The following UBN1 variants were observed in gnomAD, a reference collection of about 807,000 sequenced individuals.
UBN1 encodes ubinuclein 1.
In UBN1, 17 loss-of-function variants were observed where a neutral mutation model predicts 108.5. That is an observed-to-expected ratio of 0.16 (90% CI 0.11 to 0.24). The LOEUF (loss-of-function observed/expected upper bound fraction) is 0.24, where lower values mean the gene tolerates loss of function less well. UBN1 is among the 10% of genes least tolerant of loss of function. The probability of loss-of-function intolerance (pLI) is 1.00; values close to 1 mark genes in which losing one functional copy is unlikely to be tolerated. For synonymous variants in UBN1, 726 were observed against 564.2 expected, an observed-to-expected ratio of 1.29 and a Z score of -4.07; for missense variants, 1,595 against 1,394.4, an observed-to-expected ratio of 1.14 and a Z score of -2.29.
At chr16:4,853,377 A>T (rs926547056) in intron 2 of UBN1, among the ~76,000 whole-genome samples, 2 of 152,172 alleles carry the variant, frequency 1.3e-5, no homozygotes, top group African/African-American at 4.8e-5. Context: ...ATTAACATAA[A>T]TTTTAAAAAC....
intron 2 of UBN1, among the ~76,000 whole-genome samples, chr16:4,854,281 C>A (rs1266226258): frequency 1.3e-5 from 2 of 151,742 alleles, no homozygotes; most frequent in African/African-American, 2.4e-5. Context: ...GATCCACCCA[C>A]CTTGGCCTCT....
chr16:4,857,794 T>G (rs1480358582), intron 2 of UBN1, among the ~76,000 whole-genome samples, 196 bp from the exon 3 acceptor site: 1 of 152,208 alleles, frequency 6.6e-6, no homozygotes, highest in Non-Finnish European at 1.5e-5. Context: ...TCAATCAAGT[T>G]TTATTAACCT....
At chr16:4,872,350 T>C in intron 12 of UBN1, 1 of 985,234 alleles carries the variant, frequency 1.0e-6, no homozygotes. Context: ...GCCATACATT[T>C]TCTTGGTAAA....
rs780959234 is a variant in UBN1 at position 4,860,793 on chromosome 16, G to A, written c.801G>A (p.Lys267=). Residue 267 remains lysine, a synonymous_variant, in exon 7 of 18, where the codon AAG becomes AAA. Transcript: ENST00000262376. ...EAQKKREEEH[K]PVAVPSAEAQ... ...AGAAAAAAAGGGAGGAGGAGCATAAGCCTGTTGCGGTCCCATCAGCGGAAG... is the reference window on the plus strand; with the variant it reads ...AGAAAAAAAGGGAGGAGGAGCATAAACCTGTTGCGGTCCCATCAGCGGAAG... 3 of 1,614,164 alleles carry A rather than the reference G, an allele frequency of 1.9e-6. No individual in the cohort carries two copies. Among genetic ancestry groups the A allele is most frequent in the Non-Finnish European group, 2.5e-6 (3 of 1,180,050 alleles).
chr16:4,879,277 A>G lies in UBN1; in HGVS notation c.3356-806A>G, dbSNP rs74952115. 2.4e-3 allele frequency among the ~76,000 whole-genome samples: 361 copies of G among 152,310 alleles called. 1 individual carries two copies. Among genetic ancestry groups the G allele is most frequent in the African/African-American group, 8.1e-3 (335 of 41,566 alleles). On this transcript the variant is annotated intron_variant, in intron 17 of 17. Transcript: ENST00000262376. ...CTATGTACCCCATAAAATATGTGTC[A>G]TTATTATGAGTCAGTTTTTAAAACT... is the stretch of plus-strand genomic sequence containing the variant.
At chr16:4,857,178 C>T (rs1307890050) in intron 2 of UBN1, among the ~76,000 whole-genome samples, 1 of 150,768 alleles carries the variant, frequency 6.6e-6, no homozygotes, top group African/African-American at 2.4e-5. Context: ...CCTATCTATA[C>T]AAAAAACTTA....
At chr16:4,859,819 C>T (rs2086977393) in intron 5 of UBN1, 46 bp from the exon 6 acceptor site, 2 of 1,611,304 alleles carry the variant, frequency 1.2e-6, no homozygotes, top group Non-Finnish European at 8.5e-7. Context: ...GCACTTGCTC[C>T]CTGAGTTAGG....
rs2087599121 is a variant in UBN1 at position 4,870,898 on chromosome 16, G to C, written c.1485G>C (p.Glu495Asp). The change falls in exon 11 of 18, where the codon GAG becomes GAC. Residue 495 changes from glutamate to aspartate, a missense_variant. Around this residue, in one of 3 missense-constraint regions of UBN1, gnomAD observed 1,398 missense variants for 1,194.7 expected, o/e 1.17. Transcript: ENST00000262376. ...KEQRDRICSDEEEDEEKGGRR... is the reference protein window; with the variant it reads ...KEQRDRICSDDEEDEEKGGRR... ...AGAGGGACCGGATTTGTTCGGATGA[G>C]GAAGAAGATGAAGAAAAAGGGGGCA... 1.2e-6 allele frequency: 2 copies of C among 1,614,010 alleles called. No individual in the cohort carries two copies. Among genetic ancestry groups the C allele is most frequent in the Non-Finnish European group, 1.7e-6 (2 of 1,180,032 alleles).
intron 2 of UBN1, among the ~76,000 whole-genome samples, chr16:4,853,925 T>C (rs917871355): frequency 1.3e-5 from 2 of 152,084 alleles, no homozygotes; most frequent in Non-Finnish European, 2.9e-5. Flanking sequence ...TCACAAAATA[T>C]ATTTATCAGG....
intron 12 of UBN1, among the ~76,000 whole-genome samples, chr16:4,872,538 G>A (rs55871485): frequency 0.011 from 1,608 of 152,198 alleles, 20 homozygotes; most frequent in African/African-American, 0.036. Context: ...GCACGATCTC[G>A]GCTCACTGCA....
In UBN1 at chr16:4,859,890, A is replaced by C. The variant is rs916034313; in HGVS notation, c.593A>C (p.Glu198Ala). The C allele has an allele frequency of 1.2e-6, 2 of 1,614,024 alleles. No homozygotes were observed. The highest frequency in any genetic ancestry group is 2.7e-5 in the African/African-American group (2 of 74,928). ...AAGCGGAAGTTGAAGGAAGGTGGTGAGAAGATAAAGAAGAAGAAAAAAGAT... is the reference window on the plus strand; with the variant it reads ...AAGCGGAAGTTGAAGGAAGGTGGTGCGAAGATAAAGAAGAAGAAAAAAGAT... ...PKKRKLKEGG[E>A]KIKKKKKDDT... Residue 198 changes from glutamate (E) to alanine (A), a missense_variant, in exon 6 of 18, where the codon GAG (glutamate) becomes GCG (alanine). Glu to Ala is a moderately radical substitution (Grantham distance 107). Transcript: ENST00000262376.
At position 4,880,871 on chromosome 16, in the gene UBN1, A is replaced by G. The variant is rs1262617394; in HGVS notation, c.*739A>G. ...CACACATCATATTATAGGAAGACAT[A>G]ATTCCAGTGCCTTTATGGTGGAGCA... On this transcript the variant is annotated 3_prime_UTR_variant, in exon 18 of 18. Coordinates refer to ENST00000262376, the MANE Select transcript of UBN1 (RefSeq NM_001079514.3). 1.3e-5 allele frequency: 2 copies of G among 152,528 alleles called. No homozygotes were observed. The highest frequency in any genetic ancestry group is 6.5e-5 in the Admixed American group (1 of 15,284). 9.4% of individuals were successfully genotyped at this position (152,528 alleles called of 1,614,324 possible).
rs1477111851 is a variant in UBN1 at position 4,881,642 on chromosome 16, C to T, written c.*1510C>T. The T allele has an allele frequency of 1.3e-5, 2 of 152,176 alleles. No homozygotes were observed. The highest frequency in any genetic ancestry group is 2.9e-5 in the Non-Finnish European group (2 of 68,040). 9.4% of individuals were successfully genotyped at this position (152,176 alleles called of 1,614,324 possible). On this transcript the variant is annotated 3_prime_UTR_variant, in exon 18 of 18. Coordinates refer to ENST00000262376, the MANE Select transcript of UBN1 (RefSeq NM_001079514.3). ...CTTCCCGGTTTCCCAAGGAGCAAGA[C>T]CTCTGTCCGCCCTTTGGCCCGGCCT...
At chr16:4,864,230 G>T (rs1233395868) in intron 7 of UBN1, among the ~76,000 whole-genome samples, 1 of 152,010 alleles carries the variant, frequency 6.6e-6, no homozygotes, top group African/African-American at 2.4e-5. Flanking sequence ...GGGATTACAG[G>T]CGTGAGCCAC....
chr16:4,864,970 GC>G (rs2142201820), intron 7 of UBN1, among the ~76,000 whole-genome samples: 1 of 152,324 alleles, frequency 6.6e-6, no homozygotes, highest in South Asian at 2.1e-4. Flanking sequence ...TGAGCTGGGT[GC>G]TAAAAGGCTA....
intron 15 of UBN1, among the ~76,000 whole-genome samples, 194 bp from the exon 16 acceptor site, chr16:4,876,677 T>G (rs1375270205): frequency 6.6e-6 from 1 of 152,204 alleles, no homozygotes; most frequent in African/African-American, 2.4e-5. Flanking sequence ...CATTCCATGT[T>G]GGTTCATAAA....
At chr16:4,866,035 T>G (rs1245827984) in intron 7 of UBN1, among the ~76,000 whole-genome samples, 1 of 152,152 alleles carries the variant, frequency 6.6e-6, no homozygotes, top group African/African-American at 2.4e-5. Context: ...TGTAGATGGG[T>G]CTGAAAGTGT....
chr16:4,879,667 T>C (rs2088021375), intron 17 of UBN1, among the ~76,000 whole-genome samples: 1 of 152,244 alleles, frequency 6.6e-6, no homozygotes, highest in Non-Finnish European at 1.5e-5. Context: ...TTCTGTGGAC[T>C]GAGAATGCTA....
At chr16:4,879,581 G>A (rs1056443255) in intron 17 of UBN1, among the ~76,000 whole-genome samples, 2 of 152,260 alleles carry the variant, frequency 1.3e-5, no homozygotes, top group African/African-American at 4.8e-5. Flanking sequence ...CTTATAGGAT[G>A]ACACGAGATG....
Sources: gnomAD v4.1 joint callset for allele counts (sites outside exome capture counted in the v4.1 genomes callset) on GRCh38, gnomAD v4.1.1 for gene constraint, gnomAD v4.1.1 regional missense constraint, MANE v1.5 for transcripts, NCBI Gene and HGNC (gene_info 2026-07-23, HGNC 2026-07-21) for gene names.